The following GALM variants were observed in gnomAD, a reference collection of about 807,000 sequenced individuals.
GALM encodes the protein galactose mutarotase, also known as aldose 1-epimerase.
A neutral mutation model predicts 37.4 loss-of-function variants in GALM; 43 were observed. The ratio of observed to expected loss-of-function variants is 1.15; its 90% CI spans 0.90 to 1.48. GALM has a LOEUF of 1.48. GALM is among the 40% of genes most tolerant of loss of function. The pLI, the probability that GALM is intolerant of heterozygous loss-of-function variation, is 0.00. For synonymous variants in GALM, 199 were observed against 170.6 expected (o/e 1.17, Z -1.30); for missense variants, 456 against 419.1 (o/e 1.09, Z -0.77).
intron 4 of GALM, among the ~76,000 whole-genome samples, chr2:38,709,635 A>C: frequency 6.6e-6 from 1 of 152,160 alleles, no homozygotes; most frequent in East Asian, 1.9e-4. Context: ...AAAGGGAAAA[A>C]AACCTGCAGC....
intron 5 of GALM, 34 bp from the exon 6 acceptor site, chr2:38,731,701 G>A: frequency 1.3e-6 from 2 of 1,583,740 alleles, no homozygotes; most frequent in Non-Finnish European, 1.7e-6. Context: ...CTGCTTTTCT[G>A]CCCTGGACTC....
At chr2:38,724,496 G>A (rs1666446033) in intron 4 of GALM, among the ~76,000 whole-genome samples, 3 of 152,276 alleles carry the variant, frequency 2.0e-5, no homozygotes, top group Non-Finnish European at 2.9e-5. Context: ...TTCTAGTTAT[G>A]AGAAAGGGCC....
intron 4 of GALM, among the ~76,000 whole-genome samples, chr2:38,723,694 G>A (rs1666427277): frequency 6.6e-6 from 1 of 151,978 alleles, no homozygotes; most frequent in South Asian, 2.1e-4. Context: ...GGGAGGCTGA[G>A]GCAGGAGAAT....
intron 4 of GALM, among the ~76,000 whole-genome samples, chr2:38,701,620 T>A (rs976586226): frequency 6.6e-6 from 1 of 152,234 alleles, no homozygotes; most frequent in Non-Finnish European, 1.5e-5. Context: ...TAGGAAACGC[T>A]TGCCATGAGG....
Position 38,698,562 on chromosome 2 carries a change from C to T in GALM, c.634+8668C>T, listed in dbSNP as rs559504565. The T allele has an allele frequency of 3.3e-5, 13 of 388,884 alleles. No homozygotes were observed. The Admixed American group carries it at 4.6e-4, about 14-fold the overall frequency. The allele number at this position is 388,884 out of a possible 1,614,324, so 24.1% of individuals were successfully genotyped here. On this transcript the variant is annotated intron_variant, in intron 4 of 6. Transcript: ENST00000272252. ...GACACCCATAAAGCATTTGCTGCTCCATAGGATGGGAGCACACTCTGTTGT... is the reference window on the plus strand; with the variant it reads ...GACACCCATAAAGCATTTGCTGCTCTATAGGATGGGAGCACACTCTGTTGT...
intron 4 of GALM, among the ~76,000 whole-genome samples, chr2:38,717,306 A>AGTGAGTGTGT (rs1276171770): frequency 7.0e-6 from 1 of 143,652 alleles, no homozygotes; most frequent in Non-Finnish European, 1.5e-5. Context: ...GTATTAAGGG[A>AGTGAGTGTGT]GTGTGTGTGT....
chr2:38,673,499 C>T (rs992405224), intron 1 of GALM, among the ~76,000 whole-genome samples: 1 of 152,134 alleles, frequency 6.6e-6, no homozygotes, highest in Non-Finnish European at 1.5e-5. Context: ...TTGCTTTTTA[C>T]AGCCCCTCCC....
At chr2:38,675,543 TTGTGTG>T (rs1160196072) in intron 1 of GALM, among the ~76,000 whole-genome samples, 19 of 33,622 alleles carry the variant, frequency 5.7e-4, no homozygotes, top group South Asian at 1.2e-3. Context: ...TTTTTTTTTT[TTGTGTG>T]TGTGTGTGTG....
intron 4 of GALM, among the ~76,000 whole-genome samples, chr2:38,725,901 G>T (rs578011866): frequency 6.6e-6 from 1 of 151,820 alleles, no homozygotes; most frequent in Admixed American, 6.6e-5. Context: ...TAGTAGAGAC[G>T]GGGTTTCGCC....
In GALM at chr2:38,734,715, T is replaced by C. The variant is rs1413304820; in HGVS notation, c.*1150T>C. 1 of 150,668 alleles carries C rather than the reference T, an allele frequency of 6.6e-6. No homozygotes were observed. The highest frequency in any genetic ancestry group is 1.5e-5 in the Non-Finnish European group (1 of 67,840). The allele number at this position is 150,668 out of a possible 1,614,324, so 9.3% of individuals were successfully genotyped here. A position where few individuals can be genotyped will look rare whatever the true frequency, so the allele number is the denominator to read the frequency against. ...GAAAAAAAAAAAAAAAAGTATGTTA[T>C]ACTAGTGTATGCTGTACTGAATTGA... On this transcript the variant is annotated 3_prime_UTR_variant, in exon 7 of 7. Coordinates refer to ENST00000272252, the MANE Select transcript of GALM (RefSeq NM_138801.3).
chr2:38,703,303 T>TC (rs1665968340), intron 4 of GALM, among the ~76,000 whole-genome samples: 1 of 150,262 alleles, frequency 6.7e-6, no homozygotes. Context: ...GACAGGTTTC[T>TC]TCATGTTGGT....
At chr2:38,676,913 T>A (rs1473390340) in intron 2 of GALM, among the ~76,000 whole-genome samples, 1 of 152,216 alleles carries the variant, frequency 6.6e-6, no homozygotes, top group African/African-American at 2.4e-5. Context: ...TGCTTCCCTG[T>A]ACCTGTCATT....
chr2:38,725,735 T>C (rs762239319), intron 4 of GALM, among the ~76,000 whole-genome samples: 125 of 152,230 alleles, frequency 8.2e-4, no homozygotes, highest in Admixed American at 4.3e-3. Context: ...GTTTTGTTTT[T>C]TTGAGACAGA....
At chr2:38,714,868 G>C (rs1280820352) in intron 4 of GALM, among the ~76,000 whole-genome samples, 2 of 152,136 alleles carry the variant, frequency 1.3e-5, no homozygotes, top group African/African-American at 4.8e-5. Flanking sequence ...CAATGTTGTA[G>C]GTTCATTTGG....
At position 38,729,694 on chromosome 2, in the gene GALM, C is replaced by G. The variant is rs139320905; in HGVS notation, c.773C>G (p.Ala258Gly). ...GGATCTAAAGAAAAGCATTTTTGTG[C>G]AAGGTCAGGTACTTTTCACTTCCTG... ...LKGSKEKHFCARVHHAASGRV... is the reference protein window; with the variant it reads ...LKGSKEKHFCGRVHHAASGRV... The change falls in exon 5 of 7, where the codon GCA (alanine) becomes GGA (glycine). Residue 258 changes from alanine to glycine, a missense_variant. Ala to Gly is a moderately conservative substitution (Grantham distance 60). Coordinates refer to ENST00000272252, the MANE Select transcript of GALM (RefSeq NM_138801.3). The G allele has an allele frequency of 6.8e-4, 1,091 of 1,611,040 alleles. No homozygotes were observed. Among genetic ancestry groups the G allele is most frequent in the Non-Finnish European group, 8.6e-4 (1,017 of 1,177,984 alleles).
chr2:38,671,528 G>T (rs1023073251), intron 1 of GALM: 9 of 152,066 alleles, frequency 5.9e-5, no homozygotes, highest in African/African-American at 2.2e-4. Flanking sequence ...CAGCATGGGG[G>T]AACCGCCCCC....
chr2:38,700,358 A>G (rs183047181), intron 4 of GALM, among the ~76,000 whole-genome samples: 33 of 152,250 alleles, frequency 2.2e-4, no homozygotes, highest in Non-Finnish European at 3.7e-4. Context: ...ATTGGTGTCT[A>G]TGTCTCCCTT....
At chr2:38,729,914 G>A (rs949579633) in intron 5 of GALM, among the ~76,000 whole-genome samples, 2 of 151,908 alleles carry the variant, frequency 1.3e-5, no homozygotes, top group Non-Finnish European at 2.9e-5. Context: ...CCCCCTGCTT[G>A]GCACCCGCTC....
At chr2:38,707,697 C>A (rs569906708) in intron 4 of GALM, among the ~76,000 whole-genome samples, 2 of 152,220 alleles carry the variant, frequency 1.3e-5, no homozygotes, top group East Asian at 1.9e-4. Flanking sequence ...AATACAGAAC[C>A]CTGCCAGGCA....
Sources: allele counts gnomAD v4.1 joint callset (sites outside exome capture counted in the v4.1 genomes callset), GRCh38; gene constraint gnomAD v4.1.1; transcripts MANE v1.5; gene names NCBI Gene and HGNC (gene_info 2026-07-23, HGNC 2026-07-21).